The following AKAP19 variants were observed in gnomAD, a reference collection of about 807,000 sequenced individuals.
The protein encoded by AKAP19 is small A-kinase anchoring protein.
chr2:189,944,285 C>T, the AKAP19 span, among the ~76,000 whole-genome samples: 2 of 152,066 alleles, frequency 1.3e-5, no homozygotes, highest in Non-Finnish European at 2.9e-5. Flanking sequence ...CTCATGAGAT[C>T]TAGTCATTTA....
At chr2:190,176,697 T>C in the AKAP19 span, among the ~76,000 whole-genome samples, 344 of 152,356 alleles carry the variant, frequency 2.3e-3, no homozygotes, top group Middle Eastern at 3.4e-3. This position sits in a 1 kb window ranked among gnomAD's most constrained non-coding sequence, Gnocchi z 4.7. Context: ...GAAACATTTT[T>C]AGGTGTCTTG....
At chr2:189,882,332 G>A in the AKAP19 span, among the ~76,000 whole-genome samples, 1 of 152,158 alleles carries the variant, frequency 6.6e-6, no homozygotes, top group African/African-American at 2.4e-5. Context: ...ATTTTGCCTA[G>A]GTTAAGGATA....
chr2:190,072,622 A>G, the AKAP19 span, among the ~76,000 whole-genome samples: 1 of 152,228 alleles, frequency 6.6e-6, no homozygotes, highest in African/African-American at 2.4e-5. Flanking sequence ...AAATATTGTA[A>G]TAAATGTCCC....
the AKAP19 span, among the ~76,000 whole-genome samples, chr2:190,117,333 T>G: frequency 2.6e-5 from 4 of 152,324 alleles, no homozygotes; most frequent in East Asian, 7.7e-4. Context: ...AGATTCTAAC[T>G]TAGTGTTATC....
chr2:190,048,971 C>T, the AKAP19 span, among the ~76,000 whole-genome samples: 86 of 152,102 alleles, frequency 5.7e-4, no homozygotes, highest in African/African-American at 2.0e-3. Flanking sequence ...ATATAAGATG[C>T]ATTTTGGAAT....
chr2:189,983,534 A>G, the AKAP19 span, among the ~76,000 whole-genome samples: 2 of 152,194 alleles, frequency 1.3e-5, no homozygotes, highest in Non-Finnish European at 2.9e-5. Context: ...CTGCAACAAT[A>G]TGCAAGGAAA....
At chr2:190,090,554 T>C in the AKAP19 span, among the ~76,000 whole-genome samples, 2 of 152,246 alleles carry the variant, frequency 1.3e-5, no homozygotes, top group Non-Finnish European at 2.9e-5. Context: ...TTTCTACTTA[T>C]GTATAGCCTC....
At chr2:190,090,825 A>G in the AKAP19 span, 1 of 152,198 alleles carries the variant, frequency 6.6e-6, no homozygotes, top group African/African-American at 2.4e-5. Context: ...GTACTTTCTT[A>G]TCACAGTACT....
chr2:189,913,062 T>A, the AKAP19 span, among the ~76,000 whole-genome samples: 1 of 152,178 alleles, frequency 6.6e-6, no homozygotes, highest in African/African-American at 2.4e-5. Flanking sequence ...TAAGCAAATG[T>A]ATATATTACA....
chr2:189,984,955 G>C, the AKAP19 span, among the ~76,000 whole-genome samples: 1 of 151,978 alleles, frequency 6.6e-6, no homozygotes, highest in African/African-American at 2.4e-5. Flanking sequence ...AGCTCTGAGA[G>C]GAGTGCAGAC....
the AKAP19 span, among the ~76,000 whole-genome samples, chr2:190,191,435 G>A: frequency 1.3e-5 from 2 of 152,132 alleles, no homozygotes; most frequent in Non-Finnish European, 2.9e-5. Context: ...ATGCGCCACC[G>A]TCCCCAGCCA....
chr2:189,998,229 A>G, the AKAP19 span, among the ~76,000 whole-genome samples: 1 of 152,096 alleles, frequency 6.6e-6, no homozygotes, highest in Non-Finnish European at 1.5e-5. Flanking sequence ...TTCCTGTGGT[A>G]GTTCTTGGAG....
the AKAP19 span, among the ~76,000 whole-genome samples, chr2:190,028,946 T>C: frequency 6.6e-6 from 1 of 152,202 alleles, no homozygotes; most frequent in South Asian, 2.1e-4. Context: ...TGGAAATATG[T>C]ACCAAAGATA....
the AKAP19 span, among the ~76,000 whole-genome samples, chr2:190,038,405 G>A: frequency 3.0e-3 from 464 of 152,206 alleles, no homozygotes; most frequent in Non-Finnish European, 5.7e-3. Flanking sequence ...CTTAGTCTAG[G>A]CATTCTCATC....
At chr2:189,940,890 CA>C in the AKAP19 span, among the ~76,000 whole-genome samples, 259 of 148,716 alleles carry the variant, frequency 1.7e-3, no homozygotes, top group Middle Eastern at 7.0e-3. Flanking sequence ...GACTCCGTCT[CA>C]AAAAAAAAAT....
At chr2:190,199,844 A>G in the AKAP19 span, 1 of 1,609,660 alleles carries the variant, frequency 6.2e-7, no homozygotes, top group South Asian at 1.1e-5. Context: ...CTTCCTCCAC[A>G]AACAGCTCTT....
chr2:190,088,452 A>G, the AKAP19 span, among the ~76,000 whole-genome samples: 1 of 152,206 alleles, frequency 6.6e-6, no homozygotes, highest in Non-Finnish European at 1.5e-5. Flanking sequence ...AACAAGTTTT[A>G]GAGGCAAAGA....
At chr2:189,936,689 T>A in the AKAP19 span, among the ~76,000 whole-genome samples, 1 of 152,202 alleles carries the variant, frequency 6.6e-6, no homozygotes, top group East Asian at 1.9e-4. Context: ...TTTTTCATGG[T>A]ATAGCTGTAT....
At chr2:190,016,668 T>G in the AKAP19 span, among the ~76,000 whole-genome samples, 4 of 152,204 alleles carry the variant, frequency 2.6e-5, no homozygotes, top group African/African-American at 9.6e-5. Flanking sequence ...GGATTTCAAT[T>G]TTCTTAAATT....
Sources: gnomAD v4.1 joint callset for allele counts (sites outside exome capture counted in the v4.1 genomes callset) on GRCh38, gnomAD v4.1.1 for gene constraint, Gnocchi (gnomAD v3.1) non-coding constraint, MANE v1.5 for transcripts, NCBI Gene and HGNC (gene_info 2026-07-23, HGNC 2026-07-21) for gene names.